The following TAB2 variants were observed in gnomAD, a reference collection of about 807,000 sequenced individuals.
The protein encoded by TAB2 is TGF-beta activated kinase 1 (MAP3K7) binding protein 2.
Under a neutral mutation model 65.0 loss-of-function variants are expected in TAB2, and 3 were observed. The ratio of observed to expected loss-of-function variants is 0.05; its 90% CI spans 0.02 to 0.12. The LOEUF is 0.12. Among genes scored for constraint, TAB2 ranks in the 10% least tolerant of loss-of-function variants. The pLI, the probability that TAB2 is intolerant of heterozygous loss-of-function variation, is 1.00. For synonymous variants in TAB2, 298 were observed against 285.1 expected (o/e 1.05, Z -0.46); for missense variants, 623 against 840.3 (o/e 0.74, Z 3.20).
At chr6:149,219,647 A>AT (rs1408975863) in intron 1 of TAB2, among the ~76,000 whole-genome samples, 1 of 152,136 alleles carries the variant, frequency 6.6e-6, no homozygotes, top group Non-Finnish European at 1.5e-5. Context: ...TGTTGCCTTT[A>AT]TTTTTAATCA....
chr6:149,256,642 G>A (rs986800249), intron 1 of TAB2, among the ~76,000 whole-genome samples: 12 of 152,250 alleles, frequency 7.9e-5, no homozygotes, highest in East Asian at 1.9e-4. Flanking sequence ...TAGAAAAATT[G>A]ATTACGCTGG....
At chr6:149,232,385 G>A (rs1777422444) in intron 1 of TAB2, among the ~76,000 whole-genome samples, 1 of 152,034 alleles carries the variant, frequency 6.6e-6, no homozygotes, top group Non-Finnish European at 1.5e-5. Flanking sequence ...ACAACACCAC[G>A]CCCAGCTAAT....
At chr6:149,397,834 A>G (rs1782226571) in intron 4 of TAB2, 70 bp downstream of exon 4, 2 of 1,591,590 alleles carry the variant, frequency 1.3e-6, no homozygotes, top group East Asian at 2.2e-5. Context: ...TAAGTGTAAT[A>G]TCTCTATCTA....
chr6:149,333,222 T>A (rs1325949459), intron 1 of TAB2, among the ~76,000 whole-genome samples: 4 of 152,220 alleles, frequency 2.6e-5, no homozygotes, highest in Non-Finnish European at 5.9e-5. Flanking sequence ...TGGTTGAATG[T>A]CTTTCTGATG....
chr6:149,220,170 C>T (rs497631), intron 1 of TAB2, among the ~76,000 whole-genome samples: 1 of 152,010 alleles, frequency 6.6e-6, no homozygotes, highest in Non-Finnish European at 1.5e-5. Context: ...ATCTGTTACG[C>T]TGTCTTGGTT....
intron 1 of TAB2, among the ~76,000 whole-genome samples, chr6:149,311,603 CTA>C (rs1779168273): frequency 6.6e-6 from 1 of 152,164 alleles, no homozygotes; most frequent in African/African-American, 2.4e-5. Flanking sequence ...TTAAACCTCC[CTA>C]TCTTTAGTTG....
intron 1 of TAB2, among the ~76,000 whole-genome samples, chr6:149,318,229 G>A (rs1244486827): frequency 2.0e-5 from 3 of 152,010 alleles, no homozygotes; most frequent in African/African-American, 7.2e-5. Flanking sequence ...AGTCCGGTGG[G>A]GGTGGGGAGC....
chr6:149,405,797 GATAA>G (rs1306706891), intron 6 of TAB2, among the ~76,000 whole-genome samples: 5 of 152,052 alleles, frequency 3.3e-5, no homozygotes, highest in Non-Finnish European at 5.9e-5. Context: ...AACTATATAA[GATAA>G]ATAAACTCTG....
intron 1 of TAB2, among the ~76,000 whole-genome samples, chr6:149,324,503 G>T (rs188204173): frequency 8.2e-4 from 125 of 152,138 alleles, no homozygotes; most frequent in African/African-American, 2.6e-3. Context: ...CTTTTTTAAT[G>T]TTAGCAAAAT....
chr6:149,309,732 T>C (rs1779135597), intron 1 of TAB2, among the ~76,000 whole-genome samples: 1 of 152,002 alleles, frequency 6.6e-6, no homozygotes, highest in African/African-American at 2.4e-5. Context: ...ATGGTCTAGC[T>C]ATTCTTCTTC....
chr6:149,346,777 C>T (rs73613044), intron 1 of TAB2, among the ~76,000 whole-genome samples: 1,789 of 152,048 alleles, frequency 0.012, 32 homozygotes, highest in African/African-American at 0.041. Flanking sequence ...ATAACTTTCT[C>T]TGAATATTAA....
chr6:149,340,680 T>C (rs1285378030), intron 1 of TAB2, among the ~76,000 whole-genome samples: 1 of 152,118 alleles, frequency 6.6e-6, no homozygotes, highest in Non-Finnish European at 1.5e-5. Flanking sequence ...TTCATATGAG[T>C]TACTGAATGG....
intron 6 of TAB2, among the ~76,000 whole-genome samples, chr6:149,402,850 A>G (rs1261604090): frequency 1.3e-5 from 2 of 152,204 alleles, no homozygotes; most frequent in South Asian, 2.1e-4. Flanking sequence ...GTGATACAGC[A>G]CACACATTGA....
intron 1 of TAB2, among the ~76,000 whole-genome samples, chr6:149,335,765 A>G (rs555595150): frequency 6.6e-6 from 1 of 152,280 alleles, no homozygotes; most frequent in African/African-American, 2.4e-5. Flanking sequence ...TGATTAAAAT[A>G]TTAATAAGCA....
chr6:149,310,178 A>G (rs1779144692), intron 1 of TAB2, among the ~76,000 whole-genome samples: 1 of 152,034 alleles, frequency 6.6e-6, no homozygotes, highest in Admixed American at 6.6e-5. Flanking sequence ...TACCACAAAT[A>G]CAAAAAAATT....
intron 1 of TAB2, among the ~76,000 whole-genome samples, chr6:149,306,367 C>T (rs186841957): frequency 6.6e-6 from 1 of 151,772 alleles, no homozygotes; most frequent in Non-Finnish European, 1.5e-5. Flanking sequence ...GGTGAAACCC[C>T]GTCTCCACTA....
intron 1 of TAB2, among the ~76,000 whole-genome samples, chr6:149,339,876 A>T (rs1489393781): frequency 1.3e-5 from 2 of 152,098 alleles, no homozygotes; most frequent in African/African-American, 4.8e-5. Context: ...GTGCTGAGCC[A>T]CCATGCCCGG....
chr6:149,355,415 C>T lies in TAB2; in HGVS notation c.-89-14494C>T, dbSNP rs139873068. Among the ~76,000 whole-genome samples, 371 of 152,044 alleles carry T rather than the reference C, an allele frequency of 2.4e-3. 2 individuals are homozygous for T. Among genetic ancestry groups the T allele is most frequent in the African/African-American group, 8.5e-3 (354 of 41,460 alleles). On this transcript the variant is annotated intron_variant, in intron 1 of 6. Transcript: ENST00000637181. The stretch of plus-strand genomic sequence containing the variant: ...GTGTGGTGGCTAATACCTGTAATCC[C>T]AGCACTTTGGGAGGCCGAGGTGGGT...
intron 1 of TAB2, among the ~76,000 whole-genome samples, chr6:149,281,360 C>A (rs192706335): frequency 4.0e-5 from 6 of 151,844 alleles, no homozygotes. Context: ...TCTAAAGCAA[C>A]CACTATAATA....
Sources: allele counts gnomAD v4.1 joint callset (sites outside exome capture counted in the v4.1 genomes callset), GRCh38; gene constraint gnomAD v4.1.1; transcripts MANE v1.5; gene names NCBI Gene and HGNC (gene_info 2026-07-23, HGNC 2026-07-21).